Variants in CNTN5 observed in about 807,000 individuals in gnomAD.
The protein encoded by CNTN5 is contactin 5, also known as contactin-5.
Under a neutral mutation model 129.1 loss-of-function variants are expected in CNTN5, and 77 were observed. That is an observed-to-expected ratio of 0.60 (90% CI 0.50 to 0.72). The LOEUF is 0.72. CNTN5 is among the 30% of genes least tolerant of loss of function. The pLI is 0.00. For synonymous variants in CNTN5, 509 were observed against 465.6 expected (o/e 1.09, Z -1.20); for missense variants, 1,478 against 1,328.8 (o/e 1.11, Z -1.75).
chr11:99,523,663 TCAGAACAGAAC>T (rs1947367025), intron 2 of CNTN5, among the ~76,000 whole-genome samples: 12 of 132,768 alleles, frequency 9.0e-5, no homozygotes, highest in Admixed American at 3.1e-4. Context: ...ACAGAACAGA[TCAGAACAGAAC>T]AGAACAGAAC....
intron 18 of CNTN5, 43 bp from the exon 19 acceptor site, chr11:100,297,582 G>C: frequency 7.7e-7 from 1 of 1,298,662 alleles, no homozygotes; most frequent in Non-Finnish European, 1.1e-6. Context: ...AACGTAGGTT[G>C]GGAGTTTTTT....
At position 99,978,643 on chromosome 11, in the gene CNTN5, A is replaced by G. The variant is rs192115523; in HGVS notation, c.877+21634A>G. Among the ~76,000 whole-genome samples the G allele has an allele frequency of 3.9e-4, 60 of 152,362 alleles. No individual in the cohort carries two copies. The East Asian group carries it at 0.011, about 28-fold the overall frequency. The stretch of plus-strand genomic sequence containing the variant: ...TGCAGGTTTGCAGCCTAGGAACAAT[A>G]GGGTATACCATATAGCCGAGGTATG... On this transcript the variant is annotated intron_variant, in intron 8 of 24. Coordinates refer to ENST00000524871, the MANE Select transcript of CNTN5 (RefSeq NM_014361.4).
intron 7 of CNTN5, among the ~76,000 whole-genome samples, chr11:99,941,603 G>C (rs1214732022): frequency 2.6e-5 from 2 of 77,442 alleles, no homozygotes; most frequent in African/African-American, 8.9e-5. Context: ...AAGAGAGATA[G>C]ATAGAGATTG....
At chr11:100,196,576 A>G (rs917060171) in intron 15 of CNTN5, among the ~76,000 whole-genome samples, 3 of 152,196 alleles carry the variant, frequency 2.0e-5, no homozygotes, top group Non-Finnish European at 4.4e-5. Flanking sequence ...GTGCATAAAC[A>G]TATGATCACA....
At chr11:99,803,462 C>T (rs1228593287) in intron 3 of CNTN5, among the ~76,000 whole-genome samples, 1 of 152,204 alleles carries the variant, frequency 6.6e-6, no homozygotes, top group Admixed American at 6.5e-5. Flanking sequence ...GACTAAAATG[C>T]CTGTGCAGCC....
At chr11:99,327,093 C>T (rs945030858) in intron 2 of CNTN5, among the ~76,000 whole-genome samples, 1 of 152,008 alleles carries the variant, frequency 6.6e-6, no homozygotes, top group Non-Finnish European at 1.5e-5. Flanking sequence ...TCTGTGACTA[C>T]TAGAGATAAA....
At chr11:99,808,592 T>C (rs1267716081) in intron 3 of CNTN5, among the ~76,000 whole-genome samples, 1 of 152,148 alleles carries the variant, frequency 6.6e-6, no homozygotes, top group Admixed American at 6.6e-5. Context: ...AAAATTGCCA[T>C]AGAAAAAAAT....
chr11:100,348,815 T>G (rs555659093), intron 23 of CNTN5, among the ~76,000 whole-genome samples: 3 of 152,186 alleles, frequency 2.0e-5, no homozygotes, highest in East Asian at 3.9e-4. Context: ...ACCCACTTTG[T>G]GCATTACCAT....
rs149880022 is a variant in CNTN5 at position 100,191,814 on chromosome 11, C to A, written c.1708+561C>A. On this transcript the variant is annotated intron_variant, in intron 14 of 24. Coordinates refer to ENST00000524871, the MANE Select transcript of CNTN5 (RefSeq NM_014361.4). ...GCTTATATGTTTCCATTCATTTTAT[C>A]GTTCTAAAATGAGCTCGATTTCAAG... Among the ~76,000 whole-genome samples the A allele has an allele frequency of 9.3e-3, 1,413 of 151,874 alleles. 25 individuals are homozygous for A. Among genetic ancestry groups the A allele is most frequent in the African/African-American group, 0.032 (1,323 of 41,442 alleles).
At chr11:99,410,388 A>G (rs184587254) in intron 2 of CNTN5, among the ~76,000 whole-genome samples, 1 of 152,302 alleles carries the variant, frequency 6.6e-6, no homozygotes, top group East Asian at 1.9e-4. Flanking sequence ...AAATGCACAT[A>G]CCTTTCCTTG....
chr11:99,756,029 T>C (rs1406447973), intron 3 of CNTN5, among the ~76,000 whole-genome samples: 1 of 152,078 alleles, frequency 6.6e-6, no homozygotes, highest in African/African-American at 2.4e-5. Context: ...TACATTTAAC[T>C]GGAAGGTAGA....
chr11:99,376,392 G>A (rs1489264796), intron 2 of CNTN5, among the ~76,000 whole-genome samples: 1 of 152,136 alleles, frequency 6.6e-6, no homozygotes, highest in South Asian at 2.1e-4. Context: ...CTAAGACCAG[G>A]TTGAAGGGAC....
chr11:100,186,870 C>T (rs963662019), intron 13 of CNTN5, among the ~76,000 whole-genome samples: 8 of 152,058 alleles, frequency 5.3e-5, no homozygotes, highest in Admixed American at 2.6e-4. Context: ...TAAGTAATTA[C>T]GTGTGCAATA....
chr11:100,289,225 T>C (rs1405301479), intron 18 of CNTN5, among the ~76,000 whole-genome samples: 8 of 151,634 alleles, frequency 5.3e-5, no homozygotes, highest in African/African-American at 9.7e-5. Flanking sequence ...TTCCAATCAA[T>C]AGAAAAAGAG....
rs544219195 is a variant in CNTN5, at chr11:99,870,657, A to T, written c.577+25395A>T. On this transcript the variant is annotated intron_variant, in intron 6 of 24. Coordinates refer to ENST00000524871, the MANE Select transcript of CNTN5 (RefSeq NM_014361.4). ...GTCAGAAAATTAAATTTACATTTAA[A>T]ATAGCAATGTTTTCCCTAGCTTTTC... Among the ~76,000 whole-genome samples the T allele has an allele frequency of 7.2e-4, 109 of 152,246 alleles. No individual in the cohort carries two copies. The South Asian group carries it at 0.016, about 22-fold the overall frequency.
At chr11:99,567,516 T>G (rs547456742) in intron 3 of CNTN5, among the ~76,000 whole-genome samples, 1 of 152,280 alleles carries the variant, frequency 6.6e-6, no homozygotes, top group East Asian at 1.9e-4. Context: ...AATACAGTCC[T>G]TCTTGGTGGC....
At chr11:99,339,617 A>C (rs1866415866) in intron 2 of CNTN5, among the ~76,000 whole-genome samples, 1 of 151,974 alleles carries the variant, frequency 6.6e-6, no homozygotes, top group African/African-American at 2.4e-5. Context: ...GTCTCTACTA[A>C]AAAAATACAA....
chr11:100,058,373 C>A (rs1421255503), intron 9 of CNTN5, among the ~76,000 whole-genome samples: 1 of 151,636 alleles, frequency 6.6e-6, no homozygotes, highest in Non-Finnish European at 1.5e-5. Flanking sequence ...GTTTACCAAG[C>A]AGTCACTCAC....
chr11:99,166,960 A>G lies in CNTN5; in HGVS notation c.-210+145690A>G, dbSNP rs1298600818. On this transcript the variant is annotated intron_variant, in intron 1 of 24. Transcript: ENST00000524871. ...AAAACATTATCCACTACATTTTTGTAAAGCGCAAGTGAATACTTACCTTTA... is the reference window on the plus strand; with the variant it reads ...AAAACATTATCCACTACATTTTTGTGAAGCGCAAGTGAATACTTACCTTTA... 3.9e-5 allele frequency among the ~76,000 whole-genome samples: 6 copies of G among 152,156 alleles called. No individual in the cohort carries two copies. In the South Asian group the frequency reaches 1.2e-3, roughly 31 times the overall value.
Sources: allele counts gnomAD v4.1 joint callset (sites outside exome capture counted in the v4.1 genomes callset), GRCh38; gene constraint gnomAD v4.1.1; transcripts MANE v1.5; gene names NCBI Gene and HGNC (gene_info 2026-07-23, HGNC 2026-07-21).